The following CSMD2 variants were observed in gnomAD, a reference collection of about 807,000 sequenced individuals.
CSMD2 encodes the protein CUB and sushi domain-containing protein 2.
In CSMD2, 130 loss-of-function variants were observed where a neutral mutation model predicts 398.5. The ratio of observed to expected loss-of-function variants is 0.33; its 90% CI spans 0.28 to 0.38. CSMD2 has a LOEUF of 0.38. CSMD2 is among the 10% of genes least tolerant of loss of function. The pLI is 1.00. For synonymous variants in CSMD2, 1,828 were observed against 1,908.5 expected, an observed-to-expected ratio of 0.96 and a Z score of 1.10; for missense variants, 3,829 against 4,764.9, an observed-to-expected ratio of 0.80 and a Z score of 5.78.
chr1:33,776,243 G>A (rs973315755), intron 12 of CSMD2, among the ~76,000 whole-genome samples: 1 of 152,164 alleles, frequency 6.6e-6, no homozygotes, highest in African/African-American at 2.4e-5. Flanking sequence ...GCCCCCTACA[G>A]GGGCTCCAGA....
At chr1:34,074,746 G>A (rs1351747) in intron 2 of CSMD2, among the ~76,000 whole-genome samples, 41,349 of 146,284 alleles carry the variant, frequency 0.28, 5,770 homozygotes, top group Admixed American at 0.37. Flanking sequence ...ACACACACAC[G>A]CGTGTGTAAA....
At chr1:34,145,975 C>T (rs1325746673) in intron 1 of CSMD2, among the ~76,000 whole-genome samples, 2 of 152,192 alleles carry the variant, frequency 1.3e-5, no homozygotes, top group Admixed American at 1.3e-4. Context: ...GATTTAGATT[C>T]ATGGTGAAAG....
chr1:33,680,078 G>A lies in CSMD2; in HGVS notation c.4052+12852C>T, dbSNP rs558607278. On this transcript the variant is annotated intron_variant, in intron 25 of 70. Coordinates refer to ENST00000373381, the MANE Select transcript of CSMD2 (RefSeq NM_001281956.2). Reference sequence around the variant, plus strand: ...TGGGGCTACAGGTGCCCGCCACCACGCCTGGCTAATTTTTTATTTTTATTT... The same window carrying A: ...TGGGGCTACAGGTGCCCGCCACCACACCTGGCTAATTTTTTATTTTTATTT... Among the ~76,000 whole-genome samples the A allele has an allele frequency of 8.5e-4, 128 of 150,370 alleles. 1 individual carries two copies. The highest frequency in any genetic ancestry group is 5.0e-4 in the Non-Finnish European group (34 of 67,788).
rs1641942590 is a variant in CSMD2 at position 33,624,094 on chromosome 1, T to G, written c.5625+425A>C. The stretch of plus-strand genomic sequence containing the variant: ...TGGGTGCTTTGCTCTTTCTTCTCAT[T>G]AGCACTGCCTCCCCTTCTAACCCTC... On this transcript the variant is annotated intron_variant, in intron 35 of 70. Transcript: ENST00000373381. The surrounding 1 kb of genome is among the most constrained non-coding windows in gnomAD (Gnocchi z 4.7). 6.6e-6 allele frequency among the ~76,000 whole-genome samples: 1 copy of G among 152,202 alleles called. No individual in the cohort carries two copies. The highest frequency in any genetic ancestry group is 2.1e-4 in the South Asian group (1 of 4,834).
At chr1:33,970,591 C>A (rs535846025) in intron 3 of CSMD2, among the ~76,000 whole-genome samples, 42 of 152,318 alleles carry the variant, frequency 2.8e-4, no homozygotes, top group African/African-American at 1.0e-3. Context: ...CTCAACAGGG[C>A]AGCTCTCCTT....
At chr1:33,535,515 A>G (rs113885633) in intron 62 of CSMD2, among the ~76,000 whole-genome samples, 2 of 152,304 alleles carry the variant, frequency 1.3e-5, no homozygotes, top group African/African-American at 4.8e-5. Flanking sequence ...TTTGCTGTAT[A>G]ATAATCCATC....
intron 10 of CSMD2, chr1:33,804,671 G>C: frequency 1.4e-6 from 1 of 716,120 alleles, no homozygotes; most frequent in Middle Eastern, 2.3e-4. Flanking sequence ...TGTGAGCTTA[G>C]AGACTATGCT....
At chr1:33,838,012 A>C (rs564476262) in intron 6 of CSMD2, among the ~76,000 whole-genome samples, 11 of 152,298 alleles carry the variant, frequency 7.2e-5, no homozygotes, top group Non-Finnish European at 1.3e-4. Context: ...CTAGTGGGAG[A>C]CAAGGACCTG....
intron 13 of CSMD2, among the ~76,000 whole-genome samples, chr1:33,759,525 C>T (rs974386714): frequency 2.0e-5 from 3 of 151,832 alleles, no homozygotes; most frequent in Admixed American, 2.0e-4. Flanking sequence ...TGGGGTTTCA[C>T]GGTGTTAGCC....
rs577148994 is a variant in CSMD2 at position 33,829,904 on chromosome 1, T to G, written c.1034-4130A>C. Among the ~76,000 whole-genome samples the G allele has an allele frequency of 3.4e-3, 522 of 152,324 alleles. 3 individuals carry two copies. Among genetic ancestry groups the G allele is most frequent in the African/African-American group, 0.012 (503 of 41,570 alleles). On this transcript the variant is annotated intron_variant, in intron 6 of 70. Coordinates refer to ENST00000373381, the MANE Select transcript of CSMD2 (RefSeq NM_001281956.2). ...CCTACGCCCACGGAGTGTCGCTGAT[T>G]GCTAGCACAGCAGTCTGAGATCAAA...
In CSMD2 at chr1:33,559,690, A is replaced by G. The variant is rs547869453; in HGVS notation, c.8381-217T>C. The stretch of plus-strand genomic sequence containing the variant: ...CTGTAGCTTGGACAACTTGAGATCA[A>G]TCATTCTATGACTTCCCATAGGGTG... On this transcript the variant is annotated intron_variant, in intron 53 of 70. Transcript: ENST00000373381. This position sits in a 1 kb window ranked among gnomAD's most constrained non-coding sequence, Gnocchi z 4.0. Among the ~76,000 whole-genome samples the G allele has an allele frequency of 1.6e-4, 24 of 152,004 alleles. No individual in the cohort carries two copies. Among genetic ancestry groups the G allele is most frequent in the African/African-American group, 4.8e-4 (20 of 41,470 alleles).
Position 33,601,014 on chromosome 1 carries a change from T to C in CSMD2, c.6711-4A>G, listed in dbSNP as rs1330571220. The C allele has an allele frequency of 2.5e-6, 4 of 1,613,984 alleles. No homozygotes were observed. Among genetic ancestry groups the C allele is most frequent in the Non-Finnish European group, 3.4e-6 (4 of 1,180,012 alleles). On this transcript the variant is annotated splice_polypyrimidine_tract_variant and splice_region_variant and intron_variant, in intron 43 of 70. Transcript: ENST00000373381. ...TGCTGTTTGCTGTGGCCCATCCCTG[T>C]ACACAGGAAACAAGGTCCTGGCATG...
At chr1:33,959,148 A>G (rs944538448) in intron 3 of CSMD2, among the ~76,000 whole-genome samples, 2 of 152,166 alleles carry the variant, frequency 1.3e-5, no homozygotes, top group Non-Finnish European at 2.9e-5. Context: ...TGGAGAGGAA[A>G]GGCGCCTGCT....
chr1:33,772,321 G>C, intron 13 of CSMD2: 1 of 391,850 alleles, frequency 2.6e-6, no homozygotes, highest in African/African-American at 2.0e-5. Flanking sequence ...GGATCACCAA[G>C]AAGGGTAAGA....
chr1:33,711,795 C>A lies in CSMD2; in HGVS notation c.3407-2537G>T, dbSNP rs964847338. 5.3e-5 allele frequency among the ~76,000 whole-genome samples: 8 copies of A among 152,268 alleles called. No homozygotes were observed. In the South Asian group the frequency reaches 1.7e-3, roughly 32 times the overall value. ...TGCCCCACCTCTGCCCCAGCACGAG[C>A]CTCTCCTCCTTCCCACACGCCTGAT... On this transcript the variant is annotated intron_variant, in intron 21 of 70. Coordinates refer to ENST00000373381, the MANE Select transcript of CSMD2 (RefSeq NM_001281956.2).
intron 29 of CSMD2, among the ~76,000 whole-genome samples, chr1:33,639,932 C>G (rs1643017807): frequency 6.6e-6 from 1 of 152,192 alleles, no homozygotes; most frequent in Non-Finnish European, 1.5e-5. Context: ...CGGTTATGCT[C>G]ATGTTCAGTT....
At chr1:34,056,038 T>C (rs1653793242) in intron 2 of CSMD2, among the ~76,000 whole-genome samples, 1 of 152,218 alleles carries the variant, frequency 6.6e-6, no homozygotes. Flanking sequence ...ACCAAATGTA[T>C]ATTTCACAAT....
chr1:33,693,294 G>T (rs955652124), intron 24 of CSMD2, among the ~76,000 whole-genome samples: 1 of 152,134 alleles, frequency 6.6e-6, no homozygotes, highest in African/African-American at 2.4e-5. Context: ...CAAAGGATTC[G>T]AATAAACATT....
chr1:33,682,151 C>T (rs1644928020), intron 25 of CSMD2, among the ~76,000 whole-genome samples: 1 of 152,184 alleles, frequency 6.6e-6, no homozygotes, highest in African/African-American at 2.4e-5. Flanking sequence ...CATTCGTTGG[C>T]TTATGGCTAT....
Sources: gnomAD v4.1 joint callset for allele counts (sites outside exome capture counted in the v4.1 genomes callset) on GRCh38, gnomAD v4.1.1 for gene constraint, Gnocchi (gnomAD v3.1) non-coding constraint, MANE v1.5 for transcripts, NCBI Gene and HGNC (gene_info 2026-07-23, HGNC 2026-07-21) for gene names.